Variants in ARHGAP18 observed in about 807,000 individuals in gnomAD.
The protein encoded by ARHGAP18 is Rho GTPase activating protein 18.
ARHGAP18 carries 67 observed loss-of-function variants against 86.2 expected under a neutral mutation model. The ratio of observed to expected loss-of-function variants is 0.78; its 90% CI spans 0.64 to 0.95. ARHGAP18 has a LOEUF of 0.95. ARHGAP18 is among the 40% of genes least tolerant of loss of function. The pLI, the probability that ARHGAP18 is intolerant of heterozygous loss-of-function variation, is 0.00. For missense variants in ARHGAP18, 691 were observed against 780.4 expected, an observed-to-expected ratio of 0.89 and a Z score of 1.37; for synonymous variants, 283 against 280.4, an observed-to-expected ratio of 1.01 and a Z score of -0.09.
intron 2 of ARHGAP18, among the ~76,000 whole-genome samples, chr6:129,641,311 G>T (rs1199078822): frequency 6.6e-6 from 1 of 152,152 alleles, no homozygotes. Context: ...AAAAATAGAA[G>T]AGCCTTCTTC....
At chr6:129,638,656 T>TA in intron 2 of ARHGAP18, 27 bp from the exon 3 acceptor site, 1 of 1,584,264 alleles carries the variant, frequency 6.3e-7, no homozygotes, top group Non-Finnish European at 8.6e-7. Context: ...AAGTGGTACT[T>TA]AAATCACAAA....
intron 10 of ARHGAP18, among the ~76,000 whole-genome samples, chr6:129,604,780 T>G (rs1378873000): frequency 6.6e-6 from 1 of 152,222 alleles, no homozygotes; most frequent in African/African-American, 2.4e-5. Context: ...AGGCTTTTTT[T>G]CTGATTTAGG....
At chr6:129,599,418 A>G (rs1279496221) in intron 11 of ARHGAP18, 62 bp from the exon 12 acceptor site, 11 of 1,316,504 alleles carry the variant, frequency 8.4e-6, no homozygotes, top group Non-Finnish European at 1.1e-5. Context: ...TAAACTACAA[A>G]AAAAAATTAT....
chr6:129,606,019 A>AT (rs1788846839), intron 9 of ARHGAP18, 60 bp from the exon 10 acceptor site: 1 of 1,523,458 alleles, frequency 6.6e-7, no homozygotes, highest in African/African-American at 1.4e-5. Flanking sequence ...CCTTTACTTT[A>AT]TTTTTTCACT....
rs983218019 is a variant in ARHGAP18, at chr6:129,644,912, C to T, written c.114-2894G>A. ...ATAGCTTAGTGCTGATGAATTGACTCAATATTTTGACTTTAATAAGATTCA... is the reference window on the plus strand; with the variant it reads ...ATAGCTTAGTGCTGATGAATTGACTTAATATTTTGACTTTAATAAGATTCA... On this transcript the variant is annotated intron_variant, in intron 1 of 14. Coordinates refer to ENST00000368149, the MANE Select transcript of ARHGAP18 (RefSeq NM_033515.3). Among the ~76,000 whole-genome samples the T allele has an allele frequency of 3.9e-5, 6 of 152,072 alleles. No homozygotes were observed. In the South Asian group the frequency reaches 1.0e-3, roughly 26 times the overall value.
At chr6:129,689,184 A>C (rs866317505) in intron 1 of ARHGAP18, among the ~76,000 whole-genome samples, 1 of 152,198 alleles carries the variant, frequency 6.6e-6, no homozygotes, top group African/African-American at 2.4e-5. Flanking sequence ...ACCAGTCTCC[A>C]GCCTGAAAGA....
intron 1 of ARHGAP18, among the ~76,000 whole-genome samples, chr6:129,668,363 C>CACACACACAA (rs1491266971): frequency 1.5e-4 from 3 of 19,776 alleles, no homozygotes; most frequent in Admixed American, 4.2e-4. Context: ...CCCAAATAAT[C>CACACACACAA]ACACACACAC....
At chr6:129,618,360 A>G (rs1210802360) in intron 6 of ARHGAP18, among the ~76,000 whole-genome samples, 1 of 152,192 alleles carries the variant, frequency 6.6e-6, no homozygotes, top group East Asian at 1.9e-4. Flanking sequence ...CTGGAAATAA[A>G]TAAATATGTG....
chr6:129,599,578 C>T (rs1048134634), intron 11 of ARHGAP18, among the ~76,000 whole-genome samples: 8 of 152,090 alleles, frequency 5.3e-5, no homozygotes, highest in Non-Finnish European at 1.2e-4. Context: ...TAATTTGCCA[C>T]CCACTGTGGA....
chr6:129,650,091 T>TG (rs1460512158), intron 1 of ARHGAP18, among the ~76,000 whole-genome samples: 1 of 150,936 alleles, frequency 6.6e-6, no homozygotes, highest in Non-Finnish European at 1.5e-5. Flanking sequence ...TTTTTTTTTT[T>TG]TTTTGTATTT....
intron 3 of ARHGAP18, among the ~76,000 whole-genome samples, chr6:129,637,429 T>A (rs1773357191): frequency 1.3e-5 from 2 of 152,220 alleles, no homozygotes; most frequent in Non-Finnish European, 2.9e-5. Context: ...ACAGCTTTTA[T>A]TAACAAGTTA....
At chr6:129,683,737 C>T (rs879373541) in intron 1 of ARHGAP18, among the ~76,000 whole-genome samples, 1 of 152,128 alleles carries the variant, frequency 6.6e-6, no homozygotes, top group Non-Finnish European at 1.5e-5. Context: ...CCTTTCACAA[C>T]AATGCAATAA....
chr6:129,696,417 T>C (rs11962358), intron 1 of ARHGAP18, among the ~76,000 whole-genome samples: 34,564 of 152,124 alleles, frequency 0.23, 4,254 homozygotes, highest in East Asian at 0.31. Context: ...CAAACTGGCA[T>C]TTGTGTCTAA....
At chr6:129,658,250 C>T (rs1159346772) in intron 1 of ARHGAP18, among the ~76,000 whole-genome samples, 1 of 152,190 alleles carries the variant, frequency 6.6e-6, no homozygotes, top group Non-Finnish European at 1.5e-5. Context: ...ATTTCACCTG[C>T]CACTTTGCCT....
intron 12 of ARHGAP18, among the ~76,000 whole-genome samples, chr6:129,593,189 C>T (rs1788551912): frequency 1.3e-5 from 2 of 152,098 alleles, no homozygotes; most frequent in South Asian, 4.1e-4. Flanking sequence ...AGGCCAGGTG[C>T]AGTGGCTTAC....
intron 5 of ARHGAP18, among the ~76,000 whole-genome samples, chr6:129,622,949 C>A (rs575232740): frequency 4.4e-5 from 6 of 137,558 alleles, no homozygotes; most frequent in African/African-American, 1.6e-4. Flanking sequence ...TGCAGTGAGC[C>A]GAGATCGCGC....
chr6:129,598,402 C>T (rs1207986954), intron 12 of ARHGAP18, among the ~76,000 whole-genome samples: 1 of 152,138 alleles, frequency 6.6e-6, no homozygotes, highest in African/African-American at 2.4e-5. Flanking sequence ...CAGACAAAGG[C>T]AGATAACTGC....
intron 1 of ARHGAP18, among the ~76,000 whole-genome samples, chr6:129,643,240 C>A (rs1469901450): frequency 6.6e-6 from 1 of 152,094 alleles, no homozygotes; most frequent in African/African-American, 2.4e-5. Context: ...TGTCCCCACC[C>A]AAATCTCATC....
chr6:129,581,462 TA>T (rs1788287701), intron 13 of ARHGAP18, among the ~76,000 whole-genome samples: 1 of 152,180 alleles, frequency 6.6e-6, no homozygotes, highest in African/African-American at 2.4e-5. Context: ...ACTATAGGTC[TA>T]AAGAGAGTCC....
Sources: gnomAD v4.1 joint callset for allele counts (sites outside exome capture counted in the v4.1 genomes callset) on GRCh38, gnomAD v4.1.1 for gene constraint, MANE v1.5 for transcripts, NCBI Gene and HGNC (gene_info 2026-07-23, HGNC 2026-07-21) for gene names.